The following ATP10B variants were observed in gnomAD, a reference collection of about 807,000 sequenced individuals.
ATP10B encodes phospholipid-transporting ATPase VB.
In ATP10B, 122 loss-of-function variants were observed where a neutral mutation model predicts 141.2. That is an observed-to-expected ratio of 0.86 (90% confidence interval 0.75 to 1.00). ATP10B has a LOEUF of 1.00. ATP10B is among the 50% of genes least tolerant of loss of function. The pLI is 0.00. For synonymous variants in ATP10B, 685 were observed against 692.0 expected, an observed-to-expected ratio of 0.99 and a Z score of 0.16; for missense variants, 1,876 against 1,825.3, an observed-to-expected ratio of 1.03 and a Z score of -0.51.
intron 2 of ATP10B, among the ~76,000 whole-genome samples, chr5:160,739,682 A>G (rs975696996): frequency 4.6e-5 from 7 of 152,228 alleles, no homozygotes; most frequent in Non-Finnish European, 1.0e-4. Context: ...GGTGAGAGAT[A>G]TGAATGGCTA....
At chr5:160,909,447 C>A in the ATP10B span, among the ~76,000 whole-genome samples, 1 of 152,286 alleles carries the variant, frequency 6.6e-6, no homozygotes, top group East Asian at 1.9e-4. Context: ...GGTATGGTCC[C>A]TGACCACACA....
intron 1 of ATP10B, among the ~76,000 whole-genome samples, chr5:160,842,969 C>G: frequency 6.6e-6 from 1 of 151,898 alleles, no homozygotes; most frequent in Admixed American, 6.6e-5. Context: ...GCATTGATAC[C>G]AAAAGCAGAT....
At chr5:160,717,950 T>C (rs1765758604) in intron 2 of ATP10B, among the ~76,000 whole-genome samples, 1 of 152,010 alleles carries the variant, frequency 6.6e-6, no homozygotes, top group South Asian at 2.1e-4. Flanking sequence ...AATGAAAACA[T>C]AGGTTGGATT....
At chr5:160,749,829 G>A (rs552239783) in intron 2 of ATP10B, among the ~76,000 whole-genome samples, 25 of 152,160 alleles carry the variant, frequency 1.6e-4, no homozygotes, top group African/African-American at 5.1e-4. Flanking sequence ...CCAGCTGGTC[G>A]GCCACCACCA....
At chr5:160,684,602 A>T (rs774510955) in intron 6 of ATP10B, among the ~76,000 whole-genome samples, 19 of 152,238 alleles carry the variant, frequency 1.2e-4, no homozygotes, top group Non-Finnish European at 2.4e-4. Flanking sequence ...CACATTTGAA[A>T]TAGTGAAGAA....
intron 1 of ATP10B, among the ~76,000 whole-genome samples, chr5:160,835,703 G>A (rs1170582485): frequency 1.3e-5 from 2 of 152,106 alleles, no homozygotes; most frequent in African/African-American, 4.8e-5. Flanking sequence ...TACTGTACAT[G>A]TTTGTATAAT....
the ATP10B span, among the ~76,000 whole-genome samples, chr5:160,911,845 G>A: frequency 2.0e-5 from 3 of 152,142 alleles, no homozygotes; most frequent in South Asian, 2.1e-4. Context: ...TACCTCATCC[G>A]TGAGGCAACA....
At chr5:160,822,631 A>C (rs1389604415) in intron 1 of ATP10B, among the ~76,000 whole-genome samples, 1 of 152,122 alleles carries the variant, frequency 6.6e-6, no homozygotes, top group Non-Finnish European at 1.5e-5. Flanking sequence ...CAACAGGTGA[A>C]TGGATACAGA....
chr5:160,896,040 T>TTC, the ATP10B span, among the ~76,000 whole-genome samples: 2 of 152,140 alleles, frequency 1.3e-5, no homozygotes, highest in Admixed American at 6.6e-5. Flanking sequence ...GGGACACAGC[T>TTC]AAAGCAGTGT....
At chr5:160,611,243 G>A (rs943860046) in intron 18 of ATP10B, among the ~76,000 whole-genome samples, 1 of 152,118 alleles carries the variant, frequency 6.6e-6, no homozygotes, top group African/African-American at 2.4e-5. Flanking sequence ...CTGTTCCTTA[G>A]GAGCTTTGGC....
intron 8 of ATP10B, among the ~76,000 whole-genome samples, chr5:160,644,775 A>G (rs1231547792): frequency 6.6e-6 from 1 of 152,164 alleles, no homozygotes; most frequent in East Asian, 1.9e-4. Flanking sequence ...AAACTCATGA[A>G]TAATCCACCC....
the ATP10B span, among the ~76,000 whole-genome samples, chr5:160,914,235 C>T: frequency 6.6e-6 from 1 of 152,092 alleles, no homozygotes; most frequent in Non-Finnish European, 1.5e-5. Flanking sequence ...ATGTTGAGAA[C>T]TGTGTTAGAA....
At chr5:160,659,373 G>T (rs1164447377) in intron 7 of ATP10B, among the ~76,000 whole-genome samples, 2 of 152,048 alleles carry the variant, frequency 1.3e-5, no homozygotes, top group Non-Finnish European at 2.9e-5. Flanking sequence ...ACTGAGGCAG[G>T]AGAATCTTTT....
intron 1 of ATP10B, among the ~76,000 whole-genome samples, chr5:160,830,732 A>G (rs1250979124): frequency 1.3e-5 from 2 of 152,034 alleles, no homozygotes; most frequent in Non-Finnish European, 2.9e-5. Context: ...ATATTTGACA[A>G]CTACGTCACT....
chr5:160,732,945 G>A (rs949002312), intron 2 of ATP10B, among the ~76,000 whole-genome samples: 13 of 152,316 alleles, frequency 8.5e-5, no homozygotes, highest in African/African-American at 3.1e-4. Flanking sequence ...TGAGGCTCAT[G>A]TGATCCTCCT....
chr5:160,921,161 C>A, the ATP10B span, among the ~76,000 whole-genome samples: 1 of 152,090 alleles, frequency 6.6e-6, no homozygotes, highest in Non-Finnish European at 1.5e-5. Flanking sequence ...TCTTCCTCTA[C>A]AGGATCAAAT....
At chr5:160,601,032 C>T (rs1757073994) in intron 21 of ATP10B, among the ~76,000 whole-genome samples, 1 of 151,840 alleles carries the variant, frequency 6.6e-6, no homozygotes, top group African/African-American at 2.4e-5. Flanking sequence ...TGTGCTTATT[C>T]AAAAGAATTA....
chr5:160,742,463 CACATA>C (rs1375479487), intron 2 of ATP10B, among the ~76,000 whole-genome samples: 1 of 151,856 alleles, frequency 6.6e-6, no homozygotes, highest in Non-Finnish European at 1.5e-5. Context: ...TCATACTGGG[CACATA>C]GGCAGCAAGG....
intron 7 of ATP10B, among the ~76,000 whole-genome samples, chr5:160,653,598 CATAT>C (rs1353512941): frequency 1.2e-5 from 1 of 83,842 alleles, no homozygotes; most frequent in African/African-American, 5.6e-5. Context: ...TACATATATA[CATAT>C]ATACATATAT....
Sources: gnomAD v4.1 joint callset for allele counts (sites outside exome capture counted in the v4.1 genomes callset) on GRCh38, gnomAD v4.1.1 for gene constraint, MANE v1.5 for transcripts, NCBI Gene and HGNC (gene_info 2026-07-23, HGNC 2026-07-21) for gene names.